Variants in MAGI2 observed in about 807,000 individuals in gnomAD.
MAGI2 encodes membrane-associated guanylate kinase, WW and PDZ domain-containing protein 2.
In MAGI2, 35 loss-of-function variants were observed where a neutral mutation model predicts 133.3. That is an observed-to-expected ratio of 0.26 (90% confidence interval 0.20 to 0.35). The LOEUF (loss-of-function observed/expected upper bound fraction) is 0.35. MAGI2 is among the 10% of genes least tolerant of loss of function. The pLI, the probability that MAGI2 is intolerant of heterozygous loss-of-function variation, is 1.00. For synonymous variants in MAGI2, 729 were observed against 710.6 expected, an observed-to-expected ratio of 1.03 and a Z score of -0.41; for missense variants, 1,636 against 1,863.4, an observed-to-expected ratio of 0.88 and a Z score of 2.25.
At position 78,112,311 on chromosome 7, in the gene MAGI2, G is replaced by A. The variant is rs149144765; in HGVS notation, c.3567+13383C>T. Among the ~76,000 whole-genome samples, 29 of 152,146 alleles carry A rather than the reference G, an allele frequency of 1.9e-4. No individual in the cohort carries two copies. The East Asian group carries it at 5.0e-3, about 26-fold the overall frequency. Reference sequence around the variant, plus strand: ...TTTCCATTCTTTCCTTGTCATCCACGTTTGGTGAGAGATAGTTTACATATA... The same window carrying A: ...TTTCCATTCTTTCCTTGTCATCCACATTTGGTGAGAGATAGTTTACATATA... On this transcript the variant is annotated intron_variant, in intron 20 of 21. Transcript: ENST00000354212.
chr7:78,175,534 C>G (rs1826510058), intron 14 of MAGI2, among the ~76,000 whole-genome samples: 1 of 152,130 alleles, frequency 6.6e-6, no homozygotes, highest in Non-Finnish European at 1.5e-5. Context: ...CTTCACGTAG[C>G]CTGGTGTGTG....
At chr7:78,135,414 GCCAATTCCAAACACAGA>G (rs1400852005) in intron 16 of MAGI2, among the ~76,000 whole-genome samples, 1 of 152,126 alleles carries the variant, frequency 6.6e-6, no homozygotes, top group Admixed American at 6.5e-5. Flanking sequence ...GCAGTGATAG[GCCAATTCCAAACACAGA>G]CCAGGGGTTC....
chr7:78,566,300 G>C (rs144580945), intron 3 of MAGI2, among the ~76,000 whole-genome samples: 7 of 152,270 alleles, frequency 4.6e-5, no homozygotes, highest in Non-Finnish European at 1.0e-4. Flanking sequence ...AACAGATCCT[G>C]AACGGTGGAA....
At chr7:78,546,405 A>G (rs1253810732) in intron 3 of MAGI2, among the ~76,000 whole-genome samples, 2 of 152,192 alleles carry the variant, frequency 1.3e-5, no homozygotes, top group Admixed American at 6.5e-5. Context: ...ATCCACTCTT[A>G]CATGGTTCAC....
chr7:78,163,105 C>A (rs899922481), intron 15 of MAGI2, among the ~76,000 whole-genome samples: 34 of 152,120 alleles, frequency 2.2e-4, no homozygotes, highest in Non-Finnish European at 3.4e-4. Flanking sequence ...CACTTAGTAT[C>A]TACTAAAGTC....
At chr7:78,936,913 T>C (rs1800560211) in intron 2 of MAGI2, among the ~76,000 whole-genome samples, 1 of 152,062 alleles carries the variant, frequency 6.6e-6, no homozygotes, top group African/African-American at 2.4e-5. Context: ...TGCTTGAGTA[T>C]ACATACATCT....
intron 6 of MAGI2, among the ~76,000 whole-genome samples, chr7:78,433,865 A>G (rs910921191): frequency 3.9e-5 from 6 of 152,188 alleles, no homozygotes; most frequent in Admixed American, 1.3e-4. Flanking sequence ...AGGATATTTT[A>G]CATTTTAGGG....
chr7:78,172,283 G>C (rs1196825077), intron 14 of MAGI2, among the ~76,000 whole-genome samples: 1 of 152,122 alleles, frequency 6.6e-6, no homozygotes, highest in Admixed American at 6.5e-5. Flanking sequence ...AGTAGTATCT[G>C]CTCTGTAGTA....
intron 21 of MAGI2, among the ~76,000 whole-genome samples, chr7:78,060,769 T>G (rs962409966): frequency 6.6e-6 from 1 of 152,294 alleles, no homozygotes; most frequent in African/African-American, 2.4e-5. Context: ...TGACAAGTGT[T>G]CCCGTGTAAC....
chr7:79,287,999 C>A (rs1836153340), intron 1 of MAGI2, among the ~76,000 whole-genome samples: 2 of 152,072 alleles, frequency 1.3e-5, no homozygotes, highest in Non-Finnish European at 2.9e-5. Flanking sequence ...TTCCACTACT[C>A]AGAGATAAGA....
intron 2 of MAGI2, among the ~76,000 whole-genome samples, chr7:78,891,413 G>C (rs1208350358): frequency 6.6e-6 from 1 of 152,184 alleles, no homozygotes; most frequent in Non-Finnish European, 1.5e-5. Context: ...AAGCCTGGCA[G>C]AGACACAACA....
chr7:78,910,296 T>C (rs1265045826), intron 2 of MAGI2, among the ~76,000 whole-genome samples: 1 of 149,966 alleles, frequency 6.7e-6, no homozygotes, highest in Admixed American at 6.6e-5. Context: ...GAAAAAGAAT[T>C]GTAAATTATA....
At chr7:78,201,119 A>G in intron 11 of MAGI2, 43 bp downstream of exon 11, 1 of 1,336,026 alleles carries the variant, frequency 7.5e-7, no homozygotes, top group South Asian at 1.4e-5. Flanking sequence ...AAATTGCAAT[A>G]GTAAGTAGAA....
At chr7:79,082,588 C>T (rs1395953952) in intron 1 of MAGI2, among the ~76,000 whole-genome samples, 1 of 151,972 alleles carries the variant, frequency 6.6e-6, no homozygotes, top group Non-Finnish European at 1.5e-5. Context: ...ATATGTCTGT[C>T]CTTTTGCCAT....
At chr7:78,533,011 G>A (rs1405243425) in intron 3 of MAGI2, among the ~76,000 whole-genome samples, 4 of 151,314 alleles carry the variant, frequency 2.6e-5, no homozygotes, top group African/African-American at 9.7e-5. Flanking sequence ...GCACAATCTC[G>A]GCTCACTGCA....
chr7:78,159,386 A>G (rs1824736299), intron 16 of MAGI2, among the ~76,000 whole-genome samples: 1 of 152,030 alleles, frequency 6.6e-6, no homozygotes, highest in South Asian at 2.1e-4. Context: ...ATTTAGACTC[A>G]TCTTTTACAA....
At chr7:78,508,609 C>G (rs1795298632) in intron 4 of MAGI2, among the ~76,000 whole-genome samples, 1 of 152,174 alleles carries the variant, frequency 6.6e-6, no homozygotes, top group Non-Finnish European at 1.5e-5. Flanking sequence ...GTGTCAGCTA[C>G]TCCTGCGAGT....
Position 78,195,058 on chromosome 7 carries a change from C to T in MAGI2, c.2085G>A (p.Met695Ile). ...FSPWKTPKPI[M>I]DRWENQGSPQ... ...GACTGCCTTGATTCTCCCATCGGTC[C>T]ATTATCTGAAAAGTGACAGAGGACA... The change falls in exon 12 of 22, where the codon ATG (methionine) becomes ATA (isoleucine). Residue 695 changes from methionine to isoleucine, a missense_variant. By Grantham distance (10) the Met-to-Ile change is conservative. Around this residue, in one of 5 missense-constraint regions of MAGI2, gnomAD observed 920 missense variants for 1,093.5 expected, o/e 0.84. Coordinates refer to ENST00000354212, the MANE Select transcript of MAGI2 (RefSeq NM_012301.4). 6.2e-7 allele frequency: 1 copy of T among 1,600,712 alleles called. No individual in the cohort carries two copies. Among genetic ancestry groups the T allele is most frequent in the African/African-American group, 1.3e-5 (1 of 74,160 alleles).
intron 10 of MAGI2, among the ~76,000 whole-genome samples, chr7:78,215,809 T>C (rs1256164952): frequency 6.6e-6 from 1 of 152,250 alleles, no homozygotes; most frequent in Non-Finnish European, 1.5e-5. Context: ...ATATCTCTAA[T>C]GAAATAAAAT....
Sources: gnomAD v4.1 joint callset for allele counts (sites outside exome capture counted in the v4.1 genomes callset) on GRCh38, gnomAD v4.1.1 for gene constraint, gnomAD v4.1.1 regional missense constraint, MANE v1.5 for transcripts, NCBI Gene and HGNC (gene_info 2026-07-23, HGNC 2026-07-21) for gene names.